The following ACBD7 variants were observed in gnomAD, a reference collection of about 807,000 sequenced individuals.
The protein encoded by ACBD7 is acyl-CoA binding domain containing 7.
In ACBD7, 11 loss-of-function variants were observed where a neutral mutation model predicts 13.7. The observed-to-expected ratio is 0.80, with a 90% CI of 0.50 to 1.33. The LOEUF (loss-of-function observed/expected upper bound fraction) is 1.33, where lower values mean the gene tolerates loss of function less well. ACBD7 is among the 40% of genes most tolerant of loss of function. The pLI, the probability that ACBD7 is intolerant of heterozygous loss-of-function variation, is 0.00. For missense variants in ACBD7, 111 were observed against 103.0 expected (o/e 1.08, Z -0.33); for synonymous variants, 43 against 37.7 (o/e 1.14, Z -0.51).
chr10:15,081,809 G>A (rs753863461), intron 1 of ACBD7, among the ~76,000 whole-genome samples: 17 of 152,172 alleles, frequency 1.1e-4, no homozygotes, highest in Non-Finnish European at 2.4e-4. Flanking sequence ...AACCTTGAAC[G>A]TGGCCCATCC....
In ACBD7 at chr10:15,075,793, G is replaced by C. The variant is rs1305457909; in HGVS notation, c.*2737C>G. ...GTTCCAGACCAGCCTGGGCAACATG[G>C]TGAAACCCTGTCTCTATGAAAAATA... is the stretch of plus-strand genomic sequence containing the variant. On this transcript the variant is annotated 3_prime_UTR_variant, in exon 4 of 4. Transcript: ENST00000356189. Among the ~76,000 whole-genome samples, 3 of 152,042 alleles carry C rather than the reference G, an allele frequency of 2.0e-5. No homozygotes were observed. Among genetic ancestry groups the C allele is most frequent in the African/African-American group, 7.2e-5 (3 of 41,406 alleles).
Position 15,075,994 on chromosome 10 carries a change from AAAAG to A in ACBD7, c.*2532_*2535del. On this transcript the variant is annotated 3_prime_UTR_variant, in exon 4 of 4. Coordinates refer to ENST00000356189, the MANE Select transcript of ACBD7 (RefSeq NM_001039844.3). ...GTCTCAACAAAAAAAAAAAAAAAAA[AAAAG>A]AAAAGAAAAAGAATGTTATATAAAT... The A allele has an allele frequency of 6.1e-6, 4 of 657,428 alleles. No individual in the cohort carries two copies. The highest frequency in any genetic ancestry group is 7.5e-6 in the Non-Finnish European group (4 of 532,068). The allele number at this position is 657,428 out of a possible 1,614,324, so 40.7% of individuals were successfully genotyped here.
intron 1 of ACBD7, among the ~76,000 whole-genome samples, chr10:15,086,255 C>T (rs1013543779): frequency 6.6e-6 from 1 of 151,320 alleles, no homozygotes; most frequent in African/African-American, 2.4e-5. Flanking sequence ...TGCAGTGAGT[C>T]AAGATCACGC....
rs986078462 is a variant in ACBD7, at chr10:15,086,633, T to C, written c.12+2084A>G. ...GCTCATGCCTGTAATCCCAGCACTT[T>C]GGGAGGCCAAGGCGGGTGGATCGCT... On this transcript the variant is annotated intron_variant, in intron 1 of 3. Transcript: ENST00000356189. Among the ~76,000 whole-genome samples, 5 of 151,984 alleles carry C rather than the reference T, an allele frequency of 3.3e-5. No individual in the cohort carries two copies. The East Asian group carries it at 9.7e-4, about 30-fold the overall frequency.
Position 15,076,095 on chromosome 10 carries a change from G to C in ACBD7, c.*2435C>G. 1 of 983,338 alleles carries C rather than the reference G, an allele frequency of 1.0e-6. No homozygotes were observed. The highest frequency in any genetic ancestry group is 1.2e-6 in the Non-Finnish European group (1 of 828,094). 60.9% of individuals were successfully genotyped at this position (983,338 alleles called of 1,614,324 possible). A position where few individuals can be genotyped will look rare whatever the true frequency, so the allele number is the denominator to read the frequency against. On this transcript the variant is annotated 3_prime_UTR_variant, in exon 4 of 4. Transcript: ENST00000356189. The stretch of plus-strand genomic sequence containing the variant: ...TAATTCCCTGGAAATTCATCTAGCA[G>C]ACCTAGATAGTTTTGTTGTTGTAGT...
At chr10:15,085,926 G>A (rs1044230000) in intron 1 of ACBD7, among the ~76,000 whole-genome samples, 3 of 152,278 alleles carry the variant, frequency 2.0e-5, no homozygotes, top group Admixed American at 6.5e-5. Context: ...CAGAACACTA[G>A]TACCAATATG....
Position 15,078,935 on chromosome 10 carries a change from C to A in ACBD7, c.118G>T (p.Asp40Tyr), listed in dbSNP as rs771541849. ...TAATATATAATACCAATATTAATGT[C>A]TCCAACTATTGCTTGTTTGTAAAGC... ...YGLYKQAIVG[D>Y]INIACPGMLD... The change falls in exon 2 of 4, where the codon GAC becomes TAC. Residue 40 changes from aspartate to tyrosine, a missense_variant. By Grantham distance (160) the Asp-to-Tyr change is radical. Transcript: ENST00000356189. 10 of 1,552,778 alleles carry A rather than the reference C, an allele frequency of 6.4e-6. No homozygotes were observed. The highest frequency in any genetic ancestry group is 1.3e-5 in the South Asian group (1 of 79,644).
chr10:15,081,998 T>C (rs944413361), intron 1 of ACBD7, among the ~76,000 whole-genome samples: 3 of 152,116 alleles, frequency 2.0e-5, no homozygotes, highest in African/African-American at 7.2e-5. Context: ...TTAAGAGCTG[T>C]GTGACCAGGC....
chr10:15,084,361 T>A (rs1589261497), intron 1 of ACBD7, among the ~76,000 whole-genome samples: 1 of 152,160 alleles, frequency 6.6e-6, no homozygotes, highest in East Asian at 1.9e-4. Context: ...AAAGTTATCA[T>A]AGGTGAGATG....
Position 15,076,046 on chromosome 10 carries a change from G to A in ACBD7, c.*2484C>T. 1 of 882,086 alleles carries A rather than the reference G, an allele frequency of 1.1e-6. No homozygotes were observed. The highest frequency in any genetic ancestry group is 1.4e-6 in the Non-Finnish European group (1 of 736,022). 54.6% of individuals were successfully genotyped at this position (882,086 alleles called of 1,614,324 possible). A position where few individuals can be genotyped will look rare whatever the true frequency, so the allele number is the denominator to read the frequency against. ...AATGGAATTATACATGTCACATTTG[G>A]GGACTGGCTTTTTCTGCTCAGCATA... On this transcript the variant is annotated 3_prime_UTR_variant, in exon 4 of 4. Transcript: ENST00000356189.
Position 15,077,070 on chromosome 10 carries a change from C to A in ACBD7, c.*1460G>T. ...AAAATAGAACTACCATTCTACCCAG[C>A]AATCCCACTACTGGGTATCTTCTTA... On this transcript the variant is annotated 3_prime_UTR_variant, in exon 4 of 4. Coordinates refer to ENST00000356189, the MANE Select transcript of ACBD7 (RefSeq NM_001039844.3). The A allele has an allele frequency of 3.3e-6, 1 of 298,936 alleles. No homozygotes were observed. The highest frequency in any genetic ancestry group is 4.9e-6 in the Non-Finnish European group (1 of 202,488). The allele number at this position is 298,936 out of a possible 1,614,324, so 18.5% of individuals were successfully genotyped here.
Position 15,076,069 on chromosome 10 carries a change from A to C in ACBD7, c.*2461T>G, listed in dbSNP as rs1432836483. On this transcript the variant is annotated 3_prime_UTR_variant, in exon 4 of 4. Transcript: ENST00000356189. ...TGGGGACTGGCTTTTTCTGCTCAGC[A>C]TAATTCCCTGGAAATTCATCTAGCA... is the stretch of plus-strand genomic sequence containing the variant. The C allele has an allele frequency of 4.1e-6, 4 of 969,294 alleles. No homozygotes were observed. The African/African-American group carries it at 5.3e-5, about 13-fold the overall frequency. 60.0% of individuals were successfully genotyped at this position (969,294 alleles called of 1,614,324 possible).
At chr10:15,084,969 G>A (rs575028297) in intron 1 of ACBD7, among the ~76,000 whole-genome samples, 2 of 151,370 alleles carry the variant, frequency 1.3e-5, no homozygotes, top group African/African-American at 4.9e-5. Flanking sequence ...AGTGTGAATC[G>A]GCCTTAGGTT....
In ACBD7 at chr10:15,078,410, C is replaced by T. The variant is rs1844708502; in HGVS notation, c.*120G>A. 6.3e-7 allele frequency: 1 copy of T among 1,575,684 alleles called. No individual in the cohort carries two copies. The highest frequency in any genetic ancestry group is 1.3e-5 in the African/African-American group (1 of 74,114). On this transcript the variant is annotated 3_prime_UTR_variant, in exon 4 of 4. Coordinates refer to ENST00000356189, the MANE Select transcript of ACBD7 (RefSeq NM_001039844.3). ...CAGTATACTTCTAAGTACTACAGCTCATGCTAATAGCAAAAATATACATGA... is the reference window on the plus strand; with the variant it reads ...CAGTATACTTCTAAGTACTACAGCTTATGCTAATAGCAAAAATATACATGA...
chr10:15,082,283 C>CAAA lies in ACBD7; in HGVS notation c.13-3246_13-3244dup, dbSNP rs78001272. Reference sequence around the variant, plus strand: ...CCTGGGCAACAGAGCAAGACTATCTCAAAAAAAAAAAAAAAAAAAAGGTAC... The same window carrying CAAA: ...CCTGGGCAACAGAGCAAGACTATCTCAAAAAAAAAAAAAAAAAAAAAAAGGTAC... On this transcript the variant is annotated intron_variant, in intron 1 of 3. Coordinates refer to ENST00000356189, the MANE Select transcript of ACBD7 (RefSeq NM_001039844.3). Among the ~76,000 whole-genome samples the CAAA allele has an allele frequency of 9.4e-4, 62 of 65,742 alleles. 1 individual carries two copies. The highest frequency in any genetic ancestry group is 2.9e-3 in the East Asian group (5 of 1,730). 43.1% of individuals were successfully genotyped at this position (65,742 alleles called of 152,430 possible). A position where few individuals can be genotyped will look rare whatever the true frequency, so the allele number is the denominator to read the frequency against.
Position 15,076,335 on chromosome 10 carries a change from C to G in ACBD7, c.*2195G>C, listed in dbSNP as rs1430219680. On this transcript the variant is annotated 3_prime_UTR_variant, in exon 4 of 4. Transcript: ENST00000356189. ...TATTATATTCCAGACTCTATTTTTA[C>G]TCAGATAGAACTGAACATATGGGGT... 2.0e-6 allele frequency: 2 copies of G among 985,136 alleles called. No homozygotes were observed. The highest frequency in any genetic ancestry group is 3.5e-5 in the African/African-American group (2 of 57,186). 61.0% of individuals were successfully genotyped at this position (985,136 alleles called of 1,614,324 possible).
chr10:15,088,452 T>C, intron 1 of ACBD7: 2 of 530,082 alleles, frequency 3.8e-6, no homozygotes, highest in South Asian at 2.4e-5. Flanking sequence ...GGAGGCCCGC[T>C]CCGTGCTCCC....
intron 1 of ACBD7, among the ~76,000 whole-genome samples, chr10:15,085,188 C>A (rs1844795561): frequency 6.6e-6 from 1 of 152,200 alleles, no homozygotes; most frequent in African/African-American, 2.4e-5. Context: ...TTCTGCAAGA[C>A]AAACTGCCTT....
In ACBD7 at chr10:15,078,528, T is replaced by A; in HGVS notation, c.*2A>T. ...AAGGAAAAATTCCTCATATGCTGTATTCTAAATTCCGTATTTTTCTATCAG... is the reference window on the plus strand; with the variant it reads ...AAGGAAAAATTCCTCATATGCTGTAATCTAAATTCCGTATTTTTCTATCAG... On this transcript the variant is annotated 3_prime_UTR_variant, in exon 4 of 4. Coordinates refer to ENST00000356189, the MANE Select transcript of ACBD7 (RefSeq NM_001039844.3). 1 of 1,614,102 alleles carries A rather than the reference T, an allele frequency of 6.2e-7. No homozygotes were observed. Among genetic ancestry groups the A allele is most frequent in the Non-Finnish European group, 8.5e-7 (1 of 1,180,020 alleles).
Sources: allele counts gnomAD v4.1 joint callset (sites outside exome capture counted in the v4.1 genomes callset), GRCh38; gene constraint gnomAD v4.1.1; transcripts MANE v1.5; gene names NCBI Gene and HGNC (gene_info 2026-07-23, HGNC 2026-07-21).